EPG5: variants seen among roughly 807,000 people sequenced by gnomAD.
The protein encoded by EPG5 is ectopic P-granules 5 autophagy tethering factor.
In EPG5, 159 loss-of-function variants were observed where a neutral mutation model predicts 302.7. The ratio of observed to expected loss-of-function variants is 0.53; its 90% CI spans 0.46 to 0.60. The LOEUF is 0.60. Among genes scored for constraint, EPG5 ranks in the 20% least tolerant of loss-of-function variants. The pLI is 0.00. For missense variants in EPG5, 2,896 were observed against 3,092.4 expected, an observed-to-expected ratio of 0.94 and a Z score of 1.51; for synonymous variants, 1,158 against 1,136.8, an observed-to-expected ratio of 1.02 and a Z score of -0.37.
Position 45,851,162 on chromosome 18 carries a change from C to T in EPG5, c.*1305G>A, listed in dbSNP as rs944506830. 2.0e-5 allele frequency: 3 copies of T among 152,184 alleles called. No individual in the cohort carries two copies. The highest frequency in any genetic ancestry group is 4.4e-5 in the Non-Finnish European group (3 of 68,046). The allele number at this position is 152,184 out of a possible 1,614,324, so 9.4% of individuals were successfully genotyped here. A position where few individuals can be genotyped will look rare whatever the true frequency, so the allele number is the denominator to read the frequency against. Reference sequence around the variant, plus strand: ...CTCTGTTAACTATATTCCTATACCCCTATAAACATTCTTGGTGGCTGTTTA... The same window carrying T: ...CTCTGTTAACTATATTCCTATACCCTTATAAACATTCTTGGTGGCTGTTTA... On this transcript the variant is annotated 3_prime_UTR_variant, in exon 44 of 44. Transcript: ENST00000282041.
chr18:45,927,365 G>C (rs2050295657), intron 13 of EPG5, among the ~76,000 whole-genome samples: 1 of 152,144 alleles, frequency 6.6e-6, no homozygotes, highest in Admixed American at 6.6e-5. Context: ...AAAGGAAAAT[G>C]ACCATGTACT....
chr18:45,855,410 G>A (rs1251773770), intron 43 of EPG5, 163 bp downstream of exon 43: 39 of 555,522 alleles, frequency 7.0e-5, no homozygotes. Flanking sequence ...TTTGGAGGTT[G>A]GCACATGAAA....
the EPG5 span, among the ~76,000 whole-genome samples, chr18:45,823,646 C>A: frequency 6.6e-6 from 1 of 152,056 alleles, no homozygotes; most frequent in Admixed American, 6.5e-5. Flanking sequence ...TTTTTTTATT[C>A]ATCTAATTGA....
At chr18:45,807,372 C>T in the EPG5 span, among the ~76,000 whole-genome samples, 14 of 152,326 alleles carry the variant, frequency 9.2e-5, no homozygotes, top group African/African-American at 2.9e-4. Flanking sequence ...CCCCATACTA[C>T]TGCAGCTGAT....
At chr18:45,828,411 A>G in the EPG5 span, among the ~76,000 whole-genome samples, 145 of 151,724 alleles carry the variant, frequency 9.6e-4, no homozygotes, top group African/African-American at 3.4e-3. Flanking sequence ...ATCTCCCCCC[A>G]TATCTGCTTT....
chr18:45,939,828 A>G, intron 9 of EPG5, 73 bp from the exon 10 acceptor site: 1 of 1,360,952 alleles, frequency 7.3e-7, no homozygotes, highest in South Asian at 1.3e-5. Context: ...CATTTCCAAC[A>G]TTCATTTATT....
intron 1 of EPG5, among the ~76,000 whole-genome samples, chr18:45,964,953 C>G (rs1357477277): frequency 1.3e-5 from 2 of 152,100 alleles, no homozygotes; most frequent in Non-Finnish European, 2.9e-5. Context: ...AACTCTGTCT[C>G]AAAATAAATA....
intron 19 of EPG5, 83 bp downstream of exon 19, chr18:45,915,926 A>G (rs1445760284): frequency 7.9e-7 from 1 of 1,268,508 alleles, no homozygotes; most frequent in African/African-American, 1.5e-5. Flanking sequence ...GTAGAACTGA[A>G]AACTGTACTT....
At chr18:45,956,525 C>T (rs1464588726) in intron 1 of EPG5, among the ~76,000 whole-genome samples, 1 of 151,868 alleles carries the variant, frequency 6.6e-6, no homozygotes, top group African/African-American at 2.4e-5. Flanking sequence ...CACGCAATCT[C>T]GGCTCACTGC....
intron 1 of EPG5, among the ~76,000 whole-genome samples, chr18:45,956,213 C>A (rs1266985348): frequency 1.3e-5 from 2 of 152,148 alleles, no homozygotes; most frequent in Non-Finnish European, 1.5e-5. Context: ...TCAATCTAAT[C>A]ATGAGAAAAC....
At chr18:45,855,547 T>C (rs2048498353) in intron 43 of EPG5, 26 bp downstream of exon 43, 2 of 1,577,546 alleles carry the variant, frequency 1.3e-6, no homozygotes, top group Admixed American at 1.7e-5. Context: ...CAGGCAAACT[T>C]CTAACCCTTC....
intron 39 of EPG5, among the ~76,000 whole-genome samples, chr18:45,861,548 C>T (rs912603974): frequency 6.6e-6 from 1 of 152,180 alleles, no homozygotes; most frequent in Non-Finnish European, 1.5e-5. Context: ...ATTATTCAAC[C>T]TTCCTGGTTC....
At chr18:45,835,069 A>G in the EPG5 span, among the ~76,000 whole-genome samples, 1 of 152,098 alleles carries the variant, frequency 6.6e-6, no homozygotes, top group African/African-American at 2.4e-5. Context: ...ATGTAATTAC[A>G]TTTGTCCAGA....
the EPG5 span, among the ~76,000 whole-genome samples, chr18:45,805,963 A>T: frequency 1.3e-5 from 2 of 152,204 alleles, no homozygotes; most frequent in Non-Finnish European, 2.9e-5. Flanking sequence ...TTAAGATAAA[A>T]ATTCAGGAAA....
chr18:45,963,047 T>C (rs2051181413), intron 1 of EPG5, among the ~76,000 whole-genome samples: 1 of 152,202 alleles, frequency 6.6e-6, no homozygotes, highest in Non-Finnish European at 1.5e-5. Flanking sequence ...CTGGCATTTA[T>C]TTCATCATTC....
At chr18:45,953,483 G>T in intron 2 of EPG5, 1 of 985,288 alleles carries the variant, frequency 1.0e-6, no homozygotes, top group African/African-American at 1.7e-5. Flanking sequence ...GAGGATTAGG[G>T]ATAGGGGAAT....
Position 45,870,635 on chromosome 18 carries a change from T to C in EPG5, c.6157A>G (p.Ser2053Gly). Residue 2053 changes from serine (S) to glycine (G), a missense_variant, in exon 36 of 44, where the codon AGC (serine) becomes GGC (glycine). Ser to Gly is a moderately conservative substitution (Grantham distance 56). Coordinates refer to ENST00000282041, the MANE Select transcript of EPG5 (RefSeq NM_020964.3). ...MPEFILYAFHSTYRKLPWKDL... is the reference protein window; with the variant it reads ...MPEFILYAFHGTYRKLPWKDL... The stretch of plus-strand genomic sequence containing the variant: ...TTCCATGGCAGTTTCCGGTACGTGC[T>C]ATGGAAAGCGTACAGAATGAACTCT... The C allele has an allele frequency of 5.0e-6, 8 of 1,614,048 alleles. No homozygotes were observed. Among genetic ancestry groups the C allele is most frequent in the Non-Finnish European group, 6.8e-6 (8 of 1,179,960 alleles).
At chr18:45,866,666 G>A in intron 38 of EPG5, 132 bp downstream of exon 38, 1 of 701,576 alleles carries the variant, frequency 1.4e-6, no homozygotes, top group South Asian at 1.8e-5. Context: ...GCCAAAAGAT[G>A]AGTATATGAT....
In EPG5 at chr18:45,882,439, G is replaced by T. The variant is rs778882158; in HGVS notation, c.5353C>A (p.Arg1785Ser). Residue 1785 changes from arginine to serine, a missense_variant, in exon 31 of 44, where the codon CGT becomes AGT. Around this residue, in one of 5 missense-constraint regions of EPG5, gnomAD observed 790 missense variants for 798.0 expected, o/e 0.99. Coordinates refer to ENST00000282041, the MANE Select transcript of EPG5 (RefSeq NM_020964.3). ...TGAATGGACTCCAGAAGCCTGGTAC[G>T]ATCAGACAGAGGAGGTTTAGTGGCG... ...LSATKPPLSD[R>S]TRLLESIHLA... The T allele has an allele frequency of 3.7e-6, 6 of 1,614,036 alleles. No homozygotes were observed. The highest frequency in any genetic ancestry group is 1.3e-5 in the African/African-American group (1 of 74,914).
Sources: gnomAD v4.1 joint callset for allele counts (sites outside exome capture counted in the v4.1 genomes callset) on GRCh38, gnomAD v4.1.1 for gene constraint, gnomAD v4.1.1 regional missense constraint, MANE v1.5 for transcripts, NCBI Gene and HGNC (gene_info 2026-07-23, HGNC 2026-07-21) for gene names.